NCKAP5: variants seen among roughly 807,000 people sequenced by gnomAD.
NCKAP5 encodes nck-associated protein 5.
In NCKAP5, 92 loss-of-function variants were observed where a neutral mutation model predicts 167.0. That is an observed-to-expected ratio of 0.55 (90% CI 0.47 to 0.66). The LOEUF (loss-of-function observed/expected upper bound fraction) is 0.66. NCKAP5 is among the 30% of genes least tolerant of loss of function. The pLI, the probability that NCKAP5 is intolerant of heterozygous loss-of-function variation, is 0.00. For synonymous variants in NCKAP5, 891 were observed against 877.4 expected (o/e 1.02, Z -0.27); for missense variants, 2,378 against 2,315.0 (o/e 1.03, Z -0.56).
intron 3 of NCKAP5, among the ~76,000 whole-genome samples, chr2:133,398,644 G>A (rs1358267090): frequency 6.6e-6 from 1 of 152,146 alleles, no homozygotes; most frequent in South Asian, 2.1e-4. Context: ...TCTGGTTGGA[G>A]AGCATAAAAA....
intron 3 of NCKAP5, among the ~76,000 whole-genome samples, chr2:133,473,518 C>T (rs1006444206): frequency 2.6e-5 from 4 of 152,116 alleles, no homozygotes; most frequent in Admixed American, 6.6e-5. Context: ...ATCTGCAATT[C>T]TAATGAGTTT....
chr2:132,926,281 C>T (rs1057136084), intron 8 of NCKAP5: 3 of 218,416 alleles, frequency 1.4e-5, no homozygotes, highest in African/African-American at 6.8e-5. Context: ...TTTTCTTTAT[C>T]CACTCATCCA....
chr2:133,621,204 C>T, the NCKAP5 span, among the ~76,000 whole-genome samples: 2 of 151,940 alleles, frequency 1.3e-5, no homozygotes, highest in Admixed American at 1.3e-4. Flanking sequence ...AAGGTCATAC[C>T]TCATGGAACT....
chr2:133,335,240 TTA>T (rs1312280341), intron 3 of NCKAP5, among the ~76,000 whole-genome samples: 1 of 152,174 alleles, frequency 6.6e-6, no homozygotes, highest in Non-Finnish European at 1.5e-5. Context: ...AATCACTGCG[TTA>T]TAGTCTCTTA....
chr2:132,818,199 C>T (rs1326243752), intron 11 of NCKAP5, among the ~76,000 whole-genome samples: 5 of 152,162 alleles, frequency 3.3e-5, no homozygotes, highest in African/African-American at 7.2e-5. Flanking sequence ...CCACCTGCCT[C>T]GGCAGAGTGG....
At chr2:133,574,413 A>G in the NCKAP5 span, among the ~76,000 whole-genome samples, 1 of 152,158 alleles carries the variant, frequency 6.6e-6, no homozygotes, top group Non-Finnish European at 1.5e-5. Flanking sequence ...CAGACTCTTC[A>G]GGCTCTGGTG....
At chr2:133,615,178 C>G in the NCKAP5 span, among the ~76,000 whole-genome samples, 1 of 152,170 alleles carries the variant, frequency 6.6e-6, no homozygotes, top group South Asian at 2.1e-4. Context: ...AAAACCGGTA[C>G]CAGCCACTGC....
At chr2:133,476,963 T>C (rs762442226) in intron 3 of NCKAP5, among the ~76,000 whole-genome samples, 15 of 152,230 alleles carry the variant, frequency 9.9e-5, no homozygotes, top group Non-Finnish European at 2.1e-4. Flanking sequence ...TTATTTGAAA[T>C]GACCCAGGCT....
At chr2:132,950,553 A>T (rs999477247) in intron 8 of NCKAP5, among the ~76,000 whole-genome samples, 2 of 152,210 alleles carry the variant, frequency 1.3e-5, no homozygotes, top group African/African-American at 2.4e-5. Flanking sequence ...CATCTCAGGA[A>T]ATACCCCGAC....
intron 15 of NCKAP5, among the ~76,000 whole-genome samples, chr2:132,775,026 T>C (rs1268980284): frequency 1.3e-5 from 2 of 152,148 alleles, no homozygotes; most frequent in African/African-American, 4.8e-5. Flanking sequence ...AACTTAGGGT[T>C]CTAGAGGTAA....
At chr2:133,375,740 A>T (rs1661856136) in intron 3 of NCKAP5, among the ~76,000 whole-genome samples, 1 of 152,204 alleles carries the variant, frequency 6.6e-6, no homozygotes, top group South Asian at 2.1e-4. Flanking sequence ...AATGGTCTCC[A>T]GCTCCATCCA....
intron 6 of NCKAP5, among the ~76,000 whole-genome samples, chr2:133,030,911 A>ATC (rs144316426): frequency 8.3e-4 from 125 of 151,296 alleles, no homozygotes; most frequent in African/African-American, 7.0e-4. Context: ...TTGTGGCTGC[A>ATC]TCTCTCTCTC....
At chr2:133,492,285 G>A (rs1681535010) in intron 3 of NCKAP5, among the ~76,000 whole-genome samples, 1 of 152,054 alleles carries the variant, frequency 6.6e-6, no homozygotes, top group African/African-American at 2.4e-5. Context: ...AGTGAAATTA[G>A]TTTCTCAGCC....
At chr2:133,551,687 A>C (rs62179295) in intron 2 of NCKAP5, among the ~76,000 whole-genome samples, 11,308 of 61,820 alleles carry the variant, frequency 0.18, 778 homozygotes, top group East Asian at 0.26. Context: ...GGCATGGGCA[A>C]GGACTTCATG....
intron 19 of NCKAP5, among the ~76,000 whole-genome samples, chr2:132,698,827 C>CT (rs1687584179): frequency 6.6e-6 from 1 of 151,878 alleles, no homozygotes; most frequent in Admixed American, 6.6e-5. Flanking sequence ...GAGAGAAACT[C>CT]TGTCTCAAAA....
intron 4 of NCKAP5, among the ~76,000 whole-genome samples, chr2:133,232,773 A>T (rs6753746): frequency 0.018 from 2,800 of 152,286 alleles, 82 homozygotes; most frequent in South Asian, 0.058. Flanking sequence ...CTACTGCACA[A>T]GCCTATTGTC....
the NCKAP5 span, among the ~76,000 whole-genome samples, chr2:133,606,504 TA>T: frequency 6.6e-6 from 1 of 152,118 alleles, no homozygotes; most frequent in East Asian, 1.9e-4. Flanking sequence ...CAACGCCTCC[TA>T]AAAGGCCTGG....
chr2:132,725,830 T>G (rs1690402703), intron 18 of NCKAP5, 71 bp from the exon 19 acceptor site: 1 of 1,492,196 alleles, frequency 6.7e-7, no homozygotes, highest in Admixed American at 1.9e-5. Flanking sequence ...CCTGTGAGGA[T>G]GCGACACAGT....
chr2:132,830,918 C>CG (rs1308158372), intron 11 of NCKAP5, among the ~76,000 whole-genome samples: 1 of 152,140 alleles, frequency 6.6e-6, no homozygotes, highest in Non-Finnish European at 1.5e-5. Context: ...ATCTCACCCC[C>CG]CTTCAGTCCT....
Sources: gnomAD v4.1 joint callset for allele counts (sites outside exome capture counted in the v4.1 genomes callset) on GRCh38, gnomAD v4.1.1 for gene constraint, MANE v1.5 for transcripts, NCBI Gene and HGNC (gene_info 2026-07-23, HGNC 2026-07-21) for gene names.